Variants in KCNAB1 observed in about 807,000 individuals in gnomAD.
The protein encoded by KCNAB1 is voltage-gated potassium channel subunit beta-1.
In KCNAB1, 35 loss-of-function variants were observed where a neutral mutation model predicts 64.6. The ratio of observed to expected loss-of-function variants is 0.54; its 90% CI spans 0.41 to 0.72. The LOEUF (loss-of-function observed/expected upper bound fraction) is 0.72. KCNAB1 is among the 30% of genes least tolerant of loss of function. The probability of loss-of-function intolerance (pLI) is 0.00; values close to 1 mark genes in which losing one functional copy is unlikely to be tolerated. For missense variants in KCNAB1, 401 were observed against 512.9 expected (o/e 0.78, Z 2.11); for synonymous variants, 177 against 183.8 (o/e 0.96, Z 0.30).
chr3:156,454,854 C>T (rs1192436438), intron 3 of KCNAB1, among the ~76,000 whole-genome samples: 1 of 152,190 alleles, frequency 6.6e-6, no homozygotes, highest in Non-Finnish European at 1.5e-5. Context: ...AGTCTTCACT[C>T]TCCTCTTCAC....
intron 1 of KCNAB1, among the ~76,000 whole-genome samples, chr3:156,146,914 C>T (rs1308665875): frequency 6.6e-6 from 1 of 152,142 alleles, no homozygotes; most frequent in Non-Finnish European, 1.5e-5. Context: ...GAAAGCAAGG[C>T]CTTCAGTTGC....
intron 1 of KCNAB1, among the ~76,000 whole-genome samples, chr3:156,222,515 GTCA>G (rs1246059421): frequency 6.6e-6 from 1 of 152,116 alleles, no homozygotes; most frequent in East Asian, 1.9e-4. Context: ...CACTAGACAG[GTCA>G]TCAAGACAGA....
At chr3:156,469,157 C>T (rs1304894520) in intron 7 of KCNAB1, among the ~76,000 whole-genome samples, 26 of 151,504 alleles carry the variant, frequency 1.7e-4, no homozygotes, top group Admixed American at 1.7e-3. Flanking sequence ...TGGAGAAGGT[C>T]TGCTACTATG....
At chr3:156,292,091 A>G (rs776432870) in intron 1 of KCNAB1, 4 of 1,614,020 alleles carry the variant, frequency 2.5e-6, no homozygotes, top group Non-Finnish European at 1.7e-6. Context: ...CATTTCTCTC[A>G]AAGAGTCCAC....
chr3:156,217,300 T>C (rs1356423057), intron 1 of KCNAB1, among the ~76,000 whole-genome samples: 1 of 152,238 alleles, frequency 6.6e-6, no homozygotes, highest in Non-Finnish European at 1.5e-5. Context: ...ATTATTACTT[T>C]GGCCTCTCTT....
intron 1 of KCNAB1, among the ~76,000 whole-genome samples, chr3:156,224,252 A>C (rs1445290132): frequency 6.6e-6 from 1 of 152,114 alleles, no homozygotes; most frequent in East Asian, 1.9e-4. Flanking sequence ...CCCACCCGGA[A>C]CTCGTGCTGG....
intron 1 of KCNAB1, among the ~76,000 whole-genome samples, chr3:156,153,906 C>G (rs1715562158): frequency 6.6e-6 from 1 of 152,216 alleles, no homozygotes; most frequent in Non-Finnish European, 1.5e-5. Flanking sequence ...TCCACAGTTG[C>G]ATGAGCTAGT....
intron 1 of KCNAB1, chr3:156,292,158 G>A (rs1052973078): frequency 2.5e-6 from 4 of 1,610,806 alleles, no homozygotes; most frequent in South Asian, 1.1e-5. Flanking sequence ...TCTGTGCGGG[G>A]TATCCAGGTT....
intron 1 of KCNAB1, among the ~76,000 whole-genome samples, chr3:156,255,947 T>G (rs887111804): frequency 6.6e-6 from 1 of 152,212 alleles, no homozygotes; most frequent in Non-Finnish European, 1.5e-5. Flanking sequence ...TATTTTGAAA[T>G]GTTTCTTCTG....
intron 8 of KCNAB1, among the ~76,000 whole-genome samples, chr3:156,511,427 C>A (rs1483021018): frequency 2.0e-5 from 3 of 152,152 alleles, no homozygotes; most frequent in Non-Finnish European, 4.4e-5. Flanking sequence ...TAGTATCTCA[C>A]ATGCATCTCC....
At chr3:156,169,268 G>C (rs999117281) in intron 1 of KCNAB1, among the ~76,000 whole-genome samples, 7 of 152,124 alleles carry the variant, frequency 4.6e-5, no homozygotes, top group African/African-American at 1.7e-4. Flanking sequence ...ATCTACGGGG[G>C]TTATTATGCT....
At chr3:156,329,585 A>G (rs1406271403) in intron 1 of KCNAB1, among the ~76,000 whole-genome samples, 1 of 152,166 alleles carries the variant, frequency 6.6e-6, no homozygotes, top group Non-Finnish European at 1.5e-5. Context: ...AGGGGGACAC[A>G]TGGAGCCATC....
chr3:156,287,359 A>C (rs1010779334), intron 1 of KCNAB1, among the ~76,000 whole-genome samples: 1 of 151,956 alleles, frequency 6.6e-6, no homozygotes, highest in Non-Finnish European at 1.5e-5. Flanking sequence ...CAAAAAAAAA[A>C]AAAAAAAAAC....
In KCNAB1 at chr3:156,186,528, G is replaced by A. The variant is rs80168049; in HGVS notation, c.275+65642G>A. On this transcript the variant is annotated intron_variant, in intron 1 of 13. Coordinates refer to ENST00000490337, the MANE Select transcript of KCNAB1 (RefSeq NM_172160.3). ...CTGCCCTCTCAGAATACAAGCCTGT[G>A]CAAGTGTTTCCTTTTTACAGACAAA... Among the ~76,000 whole-genome samples the A allele has an allele frequency of 1.9e-3, 288 of 152,142 alleles. 1 individual carries two copies. Among genetic ancestry groups the A allele is most frequent in the African/African-American group, 6.7e-3 (279 of 41,512 alleles).
chr3:156,174,580 A>G (rs1712224359), intron 1 of KCNAB1, among the ~76,000 whole-genome samples: 1 of 152,224 alleles, frequency 6.6e-6, no homozygotes, highest in Non-Finnish European at 1.5e-5. Flanking sequence ...GCCTGTAGTC[A>G]AAGTATCAAT....
In KCNAB1 at chr3:156,205,260, A is replaced by C. The variant is rs192292220; in HGVS notation, c.275+84374A>C. On this transcript the variant is annotated intron_variant, in intron 1 of 13. Coordinates refer to ENST00000490337, the MANE Select transcript of KCNAB1 (RefSeq NM_172160.3). ...CCATAAGTCAGTTATTCAGATAATGAAAAAAACATTTAAACATCCACCTTG... is the reference window on the plus strand; with the variant it reads ...CCATAAGTCAGTTATTCAGATAATGCAAAAAACATTTAAACATCCACCTTG... 2.6e-3 allele frequency among the ~76,000 whole-genome samples: 391 copies of C among 152,322 alleles called. 3 individuals are homozygous for C. Among genetic ancestry groups the C allele is most frequent in the African/African-American group, 8.7e-3 (361 of 41,566 alleles).
At chr3:156,433,766 C>T (rs1259710735) in intron 2 of KCNAB1, among the ~76,000 whole-genome samples, 1 of 152,156 alleles carries the variant, frequency 6.6e-6, no homozygotes, top group Non-Finnish European at 1.5e-5. Flanking sequence ...CTATTTACTC[C>T]TCACTTGGGT....
intron 2 of KCNAB1, among the ~76,000 whole-genome samples, chr3:156,434,670 A>G (rs984606003): frequency 6.6e-6 from 1 of 152,120 alleles, no homozygotes; most frequent in Non-Finnish European, 1.5e-5. Context: ...ATGGGCAAAC[A>G]GACAAATCAA....
At chr3:156,235,870 C>T (rs1240708004) in intron 1 of KCNAB1, among the ~76,000 whole-genome samples, 1 of 152,080 alleles carries the variant, frequency 6.6e-6, no homozygotes, top group African/African-American at 2.4e-5. Context: ...GAATCAGAGT[C>T]TCTGAAGGTG....
Sources: gnomAD v4.1 joint callset for allele counts (sites outside exome capture counted in the v4.1 genomes callset) on GRCh38, gnomAD v4.1.1 for gene constraint, MANE v1.5 for transcripts, NCBI Gene and HGNC (gene_info 2026-07-23, HGNC 2026-07-21) for gene names.